The following DAGLA variants were observed in gnomAD, a reference collection of about 807,000 sequenced individuals.
The protein encoded by DAGLA is diacylglycerol lipase-alpha.
In DAGLA, 22 loss-of-function variants were observed where a neutral mutation model predicts 102.6. The ratio of observed to expected loss-of-function variants is 0.21; its 90% CI spans 0.15 to 0.31. DAGLA has a LOEUF of 0.31. Among genes scored for constraint, DAGLA ranks in the 10% least tolerant of loss-of-function variants. The pLI is 1.00. For missense variants in DAGLA, 927 were observed against 1,446.6 expected, an observed-to-expected ratio of 0.64 and a Z score of 5.83; for synonymous variants, 578 against 628.9, an observed-to-expected ratio of 0.92 and a Z score of 1.21.
intron 19 of DAGLA, among the ~76,000 whole-genome samples, chr11:61,743,107 G>A (rs2135614165): frequency 6.6e-6 from 1 of 152,260 alleles, no homozygotes; most frequent in East Asian, 1.9e-4. Context: ...GCTCACGCCT[G>A]TAATCTCAGC....
chr11:61,692,491 G>T (rs749226255), intron 1 of DAGLA, among the ~76,000 whole-genome samples: 1 of 152,086 alleles, frequency 6.6e-6, no homozygotes, highest in Admixed American at 6.5e-5. Flanking sequence ...ATTGCTGGGC[G>T]GGGCCTGGGA....
At chr11:61,697,585 C>T (rs531045683) in intron 1 of DAGLA, among the ~76,000 whole-genome samples, 1 of 152,332 alleles carries the variant, frequency 6.6e-6, no homozygotes, top group South Asian at 2.1e-4. Flanking sequence ...CAGCTGTCTA[C>T]ATCCTTCCTC....
intron 1 of DAGLA, among the ~76,000 whole-genome samples, chr11:61,713,250 A>G (rs955271581): frequency 1.3e-5 from 2 of 152,196 alleles, no homozygotes; most frequent in Non-Finnish European, 2.9e-5. Flanking sequence ...ATTTAGCTGA[A>G]TCCTGCTTCT....
chr11:61,723,905 C>T (rs1384013193), intron 5 of DAGLA, among the ~76,000 whole-genome samples: 2 of 152,190 alleles, frequency 1.3e-5, no homozygotes, highest in African/African-American at 4.8e-5. Context: ...ATGGTAATAA[C>T]AGTGAAGCCA....
intron 1 of DAGLA, among the ~76,000 whole-genome samples, chr11:61,702,322 C>G (rs1218302205): frequency 6.6e-6 from 1 of 152,182 alleles, no homozygotes. Context: ...CATCAAAGCA[C>G]TGGGCCATGG....
intron 1 of DAGLA, among the ~76,000 whole-genome samples, chr11:61,693,444 G>A (rs906563416): frequency 1.3e-5 from 2 of 151,774 alleles, no homozygotes; most frequent in African/African-American, 4.8e-5. Flanking sequence ...TGCCTCCTGG[G>A]TTTAAGCGAT....
At chr11:61,701,152 T>G (rs959996237) in intron 1 of DAGLA, among the ~76,000 whole-genome samples, 1 of 152,252 alleles carries the variant, frequency 6.6e-6, no homozygotes, top group African/African-American at 2.4e-5. Flanking sequence ...TGTTTTCCAC[T>G]GTGCCCTGCA....
Position 61,746,148 on chromosome 11 carries a change from A to C in DAGLA, c.*1659A>C, listed in dbSNP as rs1565268465. 6.6e-6 allele frequency: 1 copy of C among 152,066 alleles called. No homozygotes were observed. Among genetic ancestry groups the C allele is most frequent in the Non-Finnish European group, 1.5e-5 (1 of 67,994 alleles). The allele number at this position is 152,066 out of a possible 1,614,324, so 9.4% of individuals were successfully genotyped here. A position where few individuals can be genotyped will look rare whatever the true frequency, so the allele number is the denominator to read the frequency against. ...TGAATTCTGGCCCCCGGCTCCCCACACAGCTGGGACTGGCCTGGATGGCTG... is the reference window on the plus strand; with the variant it reads ...TGAATTCTGGCCCCCGGCTCCCCACCCAGCTGGGACTGGCCTGGATGGCTG... On this transcript the variant is annotated 3_prime_UTR_variant, in exon 20 of 20. Coordinates refer to ENST00000257215, the MANE Select transcript of DAGLA (RefSeq NM_006133.3).
intron 1 of DAGLA, among the ~76,000 whole-genome samples, chr11:61,683,958 T>C (rs192481823): frequency 1.3e-5 from 2 of 152,340 alleles, no homozygotes; most frequent in Non-Finnish European, 2.9e-5. Flanking sequence ...CATGTTTCTC[T>C]AAAAGTTGCT....
At position 61,720,900 on chromosome 11, in the gene DAGLA, A is replaced by T; in HGVS notation, c.307+10A>T. 6.2e-7 allele frequency: 1 copy of T among 1,608,450 alleles called. No homozygotes were observed. The highest frequency in any genetic ancestry group is 2.2e-5 in the East Asian group (1 of 44,784). On this transcript the variant is annotated intron_variant, in intron 3 of 19. Transcript: ENST00000257215. ...CTCTACGTGCGCCTGGGTAAGGGCC[A>T]CCCACCCTGGGGTGCTGCCCCAGAC...
At chr11:61,732,372 C>T (rs900081348) in intron 9 of DAGLA, among the ~76,000 whole-genome samples, 1 of 152,192 alleles carries the variant, frequency 6.6e-6, no homozygotes, top group Admixed American at 6.5e-5. Flanking sequence ...ACCTCATGCC[C>T]CCTTCCCATC....
intron 1 of DAGLA, 144 bp downstream of exon 1, chr11:61,680,648 G>T (rs2064933742): frequency 6.6e-6 from 1 of 151,044 alleles, no homozygotes; most frequent in Non-Finnish European, 1.5e-5. Context: ...CGCGCCCGTG[G>T]CAGGTGTGAG....
intron 1 of DAGLA, among the ~76,000 whole-genome samples, chr11:61,712,095 C>T (rs953934886): frequency 2.6e-5 from 4 of 152,206 alleles, no homozygotes; most frequent in Non-Finnish European, 5.9e-5. Flanking sequence ...TGGAGCTTCT[C>T]TTTCCGTCCT....
At position 61,741,334 on chromosome 11, in the gene DAGLA, G is replaced by T. The variant is rs866104602; in HGVS notation, c.2156G>T (p.Arg719Leu). ...LALELPTADH[R>L]NSSVRSKSQS... ...CTGGAGCTGCCGACTGCAGACCACC[G>T]CAACAGCAGCGTCAGGTGAGCCTTG... Residue 719 changes from arginine to leucine, a missense_variant, in exon 19 of 20, where the codon CGC (arginine) becomes CTC (leucine). Arg to Leu is a moderately radical substitution (Grantham distance 102). Around this residue, in one of 4 missense-constraint regions of DAGLA, gnomAD observed 434 missense variants for 503.3 expected, o/e 0.86. Coordinates refer to ENST00000257215, the MANE Select transcript of DAGLA (RefSeq NM_006133.3). The T allele has an allele frequency of 2.5e-6, 4 of 1,607,312 alleles. No individual in the cohort carries two copies. Among genetic ancestry groups the T allele is most frequent in the Non-Finnish European group, 3.4e-6 (4 of 1,179,690 alleles).
intron 9 of DAGLA, among the ~76,000 whole-genome samples, chr11:61,732,663 G>A (rs1358697831): frequency 6.6e-6 from 1 of 152,084 alleles, no homozygotes; most frequent in African/African-American, 2.4e-5. Context: ...TGCAGAGAGA[G>A]CAGAGTCCCT....
chr11:61,718,600 C>G (rs1483718854), intron 1 of DAGLA, among the ~76,000 whole-genome samples: 1 of 151,702 alleles, frequency 6.6e-6, no homozygotes, highest in Admixed American at 6.6e-5. Flanking sequence ...GACCACCCCC[C>G]ACCCCCAAAG....
rs549241746 is a variant in DAGLA, at chr11:61,728,043, C to T, written c.637-110C>T. 6.1e-5 allele frequency: 80 copies of T among 1,321,578 alleles called. 1 individual carries two copies. In the Middle Eastern group the frequency reaches 7.4e-4, roughly 12 times the overall value. 81.9% of individuals were successfully genotyped at this position (1,321,578 alleles called of 1,614,324 possible). A position where few individuals can be genotyped will look rare whatever the true frequency, so the allele number is the denominator to read the frequency against. On this transcript the variant is annotated intron_variant, in intron 6 of 19. Coordinates refer to ENST00000257215, the MANE Select transcript of DAGLA (RefSeq NM_006133.3). ...TGGGGAGAACCTGTCCAGGGGACCC[C>T]GAGCAGACACCTGCTTCTGCAGCCT...
intron 1 of DAGLA, among the ~76,000 whole-genome samples, chr11:61,718,846 G>C (rs2065258633): frequency 6.6e-6 from 1 of 152,204 alleles, no homozygotes; most frequent in African/African-American, 2.4e-5. Flanking sequence ...TGGCCACCTG[G>C]CCCCACGCCC....
At chr11:61,717,554 G>A (rs1486120346) in intron 1 of DAGLA, among the ~76,000 whole-genome samples, 2 of 152,172 alleles carry the variant, frequency 1.3e-5, no homozygotes, top group Non-Finnish European at 2.9e-5. Context: ...AGGGATAATC[G>A]ACATTTTACA....
Sources: gnomAD v4.1 joint callset for allele counts (sites outside exome capture counted in the v4.1 genomes callset) on GRCh38, gnomAD v4.1.1 for gene constraint, gnomAD v4.1.1 regional missense constraint, MANE v1.5 for transcripts, NCBI Gene and HGNC (gene_info 2026-07-23, HGNC 2026-07-21) for gene names.